ZBTB32: variants seen among roughly 807,000 people sequenced by gnomAD.
The protein encoded by ZBTB32 is zinc finger and BTB domain containing 32, also known as zinc finger and BTB domain-containing protein 32.
ZBTB32 carries 28 observed loss-of-function variants against 45.3 expected under a neutral mutation model. The observed-to-expected ratio is 0.62, with a 90% CI of 0.46 to 0.85. The LOEUF (loss-of-function observed/expected upper bound fraction) is 0.85. Ranked by LOEUF, ZBTB32 falls within the 40% of genes least tolerant of loss-of-function variation. ZBTB32 has a pLI of 0.00. For missense variants in ZBTB32, 587 were observed against 624.4 expected, an observed-to-expected ratio of 0.94 and a Z score of 0.64; for synonymous variants, 283 against 255.7, an observed-to-expected ratio of 1.11 and a Z score of -1.02.
intron 3 of ZBTB32, 74 bp from the exon 4 acceptor site, chr19:35,715,683 G>C: frequency 6.6e-7 from 1 of 1,518,240 alleles, no homozygotes; most frequent in Non-Finnish European, 8.9e-7. Context: ...GAGGACTTGG[G>C]ATACCCCCTC....
Position 35,715,069 on chromosome 19 carries a change from A to C in ZBTB32, c.443A>C (p.Lys148Thr), listed in dbSNP as rs981461242. The change falls in exon 3 of 7, where the codon AAG becomes ACG. Residue 148 changes from lysine to threonine, a missense_variant. Physicochemically the swap from Lys to Thr is moderately conservative, Grantham distance 78. Coordinates refer to ENST00000392197, the MANE Select transcript of ZBTB32 (RefSeq NM_014383.3). ...PERELGDPGE[K>T]QKPEQVSRTG... ...AGAGAACTGGGGGACCCTGGAGAGAAGCAGAAACCAGAACAGGTTTCTAGA... is the reference window on the plus strand; with the variant it reads ...AGAGAACTGGGGGACCCTGGAGAGACGCAGAAACCAGAACAGGTTTCTAGA... 3.1e-6 allele frequency: 5 copies of C among 1,613,816 alleles called. No homozygotes were observed. The highest frequency in any genetic ancestry group is 2.7e-5 in the African/African-American group (2 of 74,942).
chr19:35,713,194 G>T (rs941783978), intron 2 of ZBTB32, 161 bp downstream of exon 2: 3 of 152,228 alleles, frequency 2.0e-5, no homozygotes, highest in African/African-American at 4.8e-5. Flanking sequence ...TTGACTCTAG[G>T]AGTTCACAAA....
chr19:35,714,300 G>A (rs76714187), intron 2 of ZBTB32: 14,814 of 221,208 alleles, frequency 0.067, 753 homozygotes, highest in African/African-American at 0.16. Context: ...CAGACTTCCC[G>A]CACGCCTGTC....
At chr19:35,716,381 G>C (rs1326747271) in intron 6 of ZBTB32, 84 bp downstream of exon 6, 1 of 1,593,894 alleles carries the variant, frequency 6.3e-7, no homozygotes, top group African/African-American at 1.3e-5. Flanking sequence ...CGGTTCCCGC[G>C]CAATCCCCTA....
intron 1 of ZBTB32, among the ~76,000 whole-genome samples, chr19:35,710,771 C>T (rs1383103677): frequency 6.6e-6 from 1 of 152,108 alleles, no homozygotes; most frequent in Non-Finnish European, 1.5e-5. Flanking sequence ...AACAAAACAG[C>T]ACCAGCAGTG....
In ZBTB32 at chr19:35,714,728, C is replaced by A; in HGVS notation, c.102C>A (p.Thr34=). 1 of 1,614,060 alleles carries A rather than the reference C, an allele frequency of 6.2e-7. No individual in the cohort carries two copies. The highest frequency in any genetic ancestry group is 8.5e-7 in the Non-Finnish European group (1 of 1,180,012). ...LRPALCDTLI[T]VGSQEFPAHS... ...CAGCACTCTGTGATACTCTGATCACCGTAGGGAGCCAGGAGTTCCCCGCCC... is the reference window on the plus strand; with the variant it reads ...CAGCACTCTGTGATACTCTGATCACAGTAGGGAGCCAGGAGTTCCCCGCCC... Residue 34 remains threonine, a synonymous_variant, in exon 3 of 7, where the codon ACC becomes ACA. Coordinates refer to ENST00000392197, the MANE Select transcript of ZBTB32 (RefSeq NM_014383.3).
rs551947394 is a variant in ZBTB32, at chr19:35,712,346, C to G, written c.-221-571C>G. ...GCATGGTGGCTCAAACCTGTAGTCC[C>G]AGCTACTCAACAGGCTGAGGTGGGA... On this transcript the variant is annotated intron_variant, in intron 1 of 6. Transcript: ENST00000392197. 1.5e-3 allele frequency among the ~76,000 whole-genome samples: 223 copies of G among 152,236 alleles called. 1 individual carries two copies. The highest frequency in any genetic ancestry group is 8.3e-4 in the South Asian group (4 of 4,826).
chr19:35,715,633 A>T, intron 3 of ZBTB32, 124 bp from the exon 4 acceptor site: 1 of 1,474,530 alleles, frequency 6.8e-7, no homozygotes, highest in African/African-American at 1.4e-5. Flanking sequence ...AGAGACAAGA[A>T]GCTGCTGCCA....
chr19:35,716,454 G>C (rs1490108183), intron 6 of ZBTB32, 24 bp from the exon 7 acceptor site: 6 of 1,592,550 alleles, frequency 3.8e-6, no homozygotes, highest in Non-Finnish European at 5.1e-6. Flanking sequence ...TTCCTTCACC[G>C]GCCTCCCCTT....
At chr19:35,716,341 A>G (rs1197107437) in intron 6 of ZBTB32, 44 bp downstream of exon 6, 3 of 1,608,690 alleles carry the variant, frequency 1.9e-6, no homozygotes, top group Non-Finnish European at 2.6e-6. Context: ...TTTCTTCCCA[A>G]CTCCGCTCCT....
In ZBTB32 at chr19:35,715,445, C is replaced by T. The variant is rs148191008; in HGVS notation, c.819C>T (p.Gly273=). The change falls in exon 3 of 7, where the codon GGC becomes GGT. Residue 273 remains glycine (G), a synonymous_variant. Transcript: ENST00000392197. ...TCCTGCTGATGCCGCCCAGATATGG[C>T]ATTCCCTTCTACCATAGCACCCCCA... The part of the protein sequence containing the change: ...WSILLMPPRY[G]IPFYHSTPTT... 65 of 1,590,996 alleles carry T rather than the reference C, an allele frequency of 4.1e-5. No individual in the cohort carries two copies. In the African/African-American group the frequency reaches 7.2e-4, roughly 18 times the overall value.
intron 1 of ZBTB32, among the ~76,000 whole-genome samples, chr19:35,711,266 C>T (rs1187145959): frequency 1.3e-5 from 2 of 152,166 alleles, no homozygotes; most frequent in Non-Finnish European, 2.9e-5. Context: ...GGGGCTAGTC[C>T]CTCAGGGCTT....
chr19:35,707,249 G>A (rs1945644448), intron 1 of ZBTB32, among the ~76,000 whole-genome samples: 2 of 151,814 alleles, frequency 1.3e-5, no homozygotes, highest in Admixed American at 1.3e-4. Flanking sequence ...ATATTATGAG[G>A]AGGGGAGGGT....
rs548041888 is a variant in ZBTB32 at position 35,707,456 on chromosome 19, G to A, written c.-222+2833G>A. ...GTGATCTTGGCTCACTGCAACCTCC[G>A]CCTCCCGGGTTTAAGCAATTCTCCT... On this transcript the variant is annotated intron_variant, in intron 1 of 6. Coordinates refer to ENST00000392197, the MANE Select transcript of ZBTB32 (RefSeq NM_014383.3). 1.2e-4 allele frequency among the ~76,000 whole-genome samples: 17 copies of A among 142,606 alleles called. No individual in the cohort carries two copies. The South Asian group carries it at 3.6e-3, about 30-fold the overall frequency. 93.6% of individuals were successfully genotyped at this position (142,606 alleles called of 152,430 possible). A position where few individuals can be genotyped will look rare whatever the true frequency, so the allele number is the denominator to read the frequency against.
intron 2 of ZBTB32, chr19:35,713,684 A>C (rs914612112): frequency 3.9e-5 from 6 of 152,266 alleles, no homozygotes; most frequent in African/African-American, 9.7e-5. Context: ...TTAAAAGCCA[A>C]TGTGGTGGTT....
intron 1 of ZBTB32, among the ~76,000 whole-genome samples, chr19:35,712,323 A>G: frequency 6.6e-6 from 1 of 152,140 alleles, no homozygotes; most frequent in East Asian, 1.9e-4. Context: ...TTAGCTAGGC[A>G]TGGTGGCTCA....
At chr19:35,712,073 G>T (rs187181671) in intron 1 of ZBTB32, among the ~76,000 whole-genome samples, 1 of 145,920 alleles carries the variant, frequency 6.9e-6, no homozygotes, top group African/African-American at 2.6e-5. Context: ...TGGGGAAGCC[G>T]ACTGTGCCTT....
At chr19:35,709,348 A>G (rs1226137634) in intron 1 of ZBTB32, among the ~76,000 whole-genome samples, 1 of 152,214 alleles carries the variant, frequency 6.6e-6, no homozygotes, top group African/African-American at 2.4e-5. Flanking sequence ...CACAAAACAA[A>G]TGATCATCCC....
intron 1 of ZBTB32, among the ~76,000 whole-genome samples, chr19:35,707,014 GAAGTGTGCAGTT>G (rs1968562047): frequency 6.6e-6 from 1 of 152,006 alleles, no homozygotes; most frequent in South Asian, 2.1e-4. Context: ...GCTGGCACAT[GAAGTGTGCAGTT>G]AATCCCAGCT....
Sources: allele counts gnomAD v4.1 joint callset (sites outside exome capture counted in the v4.1 genomes callset), GRCh38; gene constraint gnomAD v4.1.1; transcripts MANE v1.5; gene names NCBI Gene and HGNC (gene_info 2026-07-23, HGNC 2026-07-21).